The following VPS13B variants were observed in gnomAD, a reference collection of about 807,000 sequenced individuals.
VPS13B encodes vacuolar protein sorting 13 homolog B.
In VPS13B, 285 loss-of-function variants were observed where a neutral mutation model predicts 426.4. The observed-to-expected ratio is 0.67, with a 90% CI of 0.61 to 0.74. VPS13B has a LOEUF of 0.74. Among genes scored for constraint, VPS13B ranks in the 30% least tolerant of loss-of-function variants. VPS13B has a pLI of 0.00. For synonymous variants in VPS13B, 1,676 were observed against 1,676.4 expected (o/e 1.00, Z 0.01); for missense variants, 4,537 against 4,782.6 (o/e 0.95, Z 1.51).
chr8:99,844,946 C>T (rs1815903603), intron 54 of VPS13B, among the ~76,000 whole-genome samples: 1 of 152,202 alleles, frequency 6.6e-6, no homozygotes, highest in African/African-American at 2.4e-5. Context: ...CAGCAGCCAA[C>T]ATAACACCAC....
chr8:99,340,664 T>C, intron 19 of VPS13B: 1 of 407,274 alleles, frequency 2.5e-6, no homozygotes, highest in Non-Finnish European at 4.8e-6. Flanking sequence ...GCTAGGAGGC[T>C]GAGGAATAGT....
chr8:99,865,088 C>G (rs1817030475), intron 58 of VPS13B, among the ~76,000 whole-genome samples: 3 of 152,224 alleles, frequency 2.0e-5, no homozygotes, highest in Admixed American at 2.0e-4. Flanking sequence ...AAAGTGTCTG[C>G]TGGCTGAGAG....
chr8:99,737,182 G>A (rs796942280), intron 39 of VPS13B, among the ~76,000 whole-genome samples: 16 of 131,708 alleles, frequency 1.2e-4, no homozygotes, highest in Admixed American at 3.4e-4. Context: ...GTGCAGGGGC[G>A]CGATCTCTGC....
intron 36 of VPS13B, among the ~76,000 whole-genome samples, chr8:99,700,289 G>GCATCAGCAT (rs1832212007): frequency 6.6e-6 from 1 of 152,186 alleles, no homozygotes; most frequent in African/African-American, 2.4e-5. Flanking sequence ...TGGACTAGCA[G>GCATCAGCAT]CATCAGCATC....
chr8:99,319,362 T>G (rs539340580), intron 19 of VPS13B, among the ~76,000 whole-genome samples: 7 of 152,336 alleles, frequency 4.6e-5, no homozygotes, highest in Admixed American at 6.5e-5. Context: ...TGCTGAGAGA[T>G]AGATTTCTGG....
At chr8:99,560,445 A>G (rs1321361596) in intron 31 of VPS13B, among the ~76,000 whole-genome samples, 1 of 152,106 alleles carries the variant, frequency 6.6e-6, no homozygotes, top group African/African-American at 2.4e-5. Context: ...TTTTATTCTA[A>G]TTACTTATAT....
At chr8:99,533,083 G>A (rs983610643) in intron 30 of VPS13B, among the ~76,000 whole-genome samples, 4 of 151,480 alleles carry the variant, frequency 2.6e-5, no homozygotes, top group Non-Finnish European at 4.4e-5. Flanking sequence ...GGGATTACAG[G>A]CACGCACAAC....
At chr8:99,138,083 A>G (rs1810173825) in intron 12 of VPS13B, among the ~76,000 whole-genome samples, 1 of 152,158 alleles carries the variant, frequency 6.6e-6, no homozygotes, top group African/African-American at 2.4e-5. Context: ...TATCACTGTT[A>G]CCATATGGAC....
chr8:99,384,836 T>C (rs1029373162), intron 20 of VPS13B, among the ~76,000 whole-genome samples: 1 of 152,186 alleles, frequency 6.6e-6, no homozygotes, highest in African/African-American at 2.4e-5. Flanking sequence ...TGTGCCACCA[T>C]GCCCAGCTAA....
Position 99,642,013 on chromosome 8 carries a change from A to C in VPS13B, c.5423A>C (p.Asn1808Thr). 1 of 1,614,106 alleles carries C rather than the reference A, an allele frequency of 6.2e-7. No individual in the cohort carries two copies. The highest frequency in any genetic ancestry group is 8.5e-7 in the Non-Finnish European group (1 of 1,180,018). The change falls in exon 34 of 62, where the codon AAT becomes ACT. Residue 1808 changes from asparagine to threonine, a missense_variant. Asn to Thr is a moderately conservative substitution (Grantham distance 65). Around this residue, in one of 2 missense-constraint regions of VPS13B, gnomAD observed 4,311 missense variants for 4,474.3 expected, o/e 0.96. Transcript: ENST00000357162. ...SRQSSIVKNL[N>T]FIPFDIFITA... The stretch of plus-strand genomic sequence containing the variant: ...CAGTCATCAATTGTAAAAAATCTAA[A>C]TTTTATTCCCTTTGACATATTTATT...
intron 29 of VPS13B, among the ~76,000 whole-genome samples, chr8:99,515,083 T>G (rs1821985181): frequency 6.6e-6 from 1 of 152,232 alleles, no homozygotes; most frequent in African/African-American, 2.4e-5. Context: ...TTACCAATGG[T>G]TTATTGAAAC....
At chr8:99,243,866 C>T (rs1817065469) in intron 17 of VPS13B, among the ~76,000 whole-genome samples, 1 of 152,216 alleles carries the variant, frequency 6.6e-6, no homozygotes, top group South Asian at 2.1e-4. Context: ...CTCACTTTAT[C>T]AGCAGCACAT....
At chr8:99,439,356 A>C (rs1360293875) in intron 22 of VPS13B, among the ~76,000 whole-genome samples, 4 of 152,108 alleles carry the variant, frequency 2.6e-5, no homozygotes, top group African/African-American at 9.6e-5. Context: ...TTCTGTAAGG[A>C]TATTAATACT....
chr8:99,415,824 G>C (rs1384099216), intron 21 of VPS13B, among the ~76,000 whole-genome samples: 2 of 152,122 alleles, frequency 1.3e-5, no homozygotes, highest in Admixed American at 6.5e-5. Flanking sequence ...ATGCCAGCTG[G>C]AGCTCTCCTG....
At chr8:99,703,569 A>G (rs915756851) in intron 36 of VPS13B, among the ~76,000 whole-genome samples, 2 of 152,164 alleles carry the variant, frequency 1.3e-5, no homozygotes, top group Admixed American at 6.5e-5. Flanking sequence ...AAGGCAGATA[A>G]TATTTATTTT....
At chr8:99,149,840 G>A (rs1268453623) in intron 14 of VPS13B, among the ~76,000 whole-genome samples, 1 of 151,976 alleles carries the variant, frequency 6.6e-6, no homozygotes, top group Non-Finnish European at 1.5e-5. Context: ...ACTCTATTGT[G>A]AACTGTGCAT....
intron 39 of VPS13B, among the ~76,000 whole-genome samples, chr8:99,746,753 AG>A (rs981701314): frequency 5.9e-4 from 90 of 152,240 alleles, no homozygotes; most frequent in African/African-American, 2.1e-3. Flanking sequence ...TGAGTAAACT[AG>A]ATTAAAAGTA....
chr8:99,631,560 TAGAC>T (rs1455074761), intron 33 of VPS13B, among the ~76,000 whole-genome samples: 2 of 152,192 alleles, frequency 1.3e-5, no homozygotes, highest in African/African-American at 2.4e-5. Context: ...GCATAACACA[TAGAC>T]AGGTTGGAAA....
At chr8:99,557,110 C>T (rs953313792) in intron 31 of VPS13B, among the ~76,000 whole-genome samples, 1 of 151,996 alleles carries the variant, frequency 6.6e-6, no homozygotes, top group Non-Finnish European at 1.5e-5. Flanking sequence ...TCCACTTTAA[C>T]TAAAAGCAAC....
Sources: gnomAD v4.1 joint callset for allele counts (sites outside exome capture counted in the v4.1 genomes callset) on GRCh38, gnomAD v4.1.1 for gene constraint, gnomAD v4.1.1 regional missense constraint, MANE v1.5 for transcripts, NCBI Gene and HGNC (gene_info 2026-07-23, HGNC 2026-07-21) for gene names.